Variants in STAP2 observed in about 807,000 individuals in gnomAD.
STAP2 encodes the protein signal-transducing adaptor protein 2.
A neutral mutation model predicts 52.7 loss-of-function variants in STAP2; 58 were observed. That is an observed-to-expected ratio of 1.10 (90% CI 0.89 to 1.37). The LOEUF (loss-of-function observed/expected upper bound fraction) is 1.37, where lower values mean the gene tolerates loss of function less well. Among genes scored for constraint, STAP2 ranks in the 40% most tolerant of loss-of-function variants. The pLI is 0.00. For missense variants in STAP2, 522 were observed against 519.4 expected (o/e 1.00, Z -0.05); for synonymous variants, 231 against 210.5 (o/e 1.10, Z -0.84).
intron 3 of STAP2, among the ~76,000 whole-genome samples, chr19:4,332,596 A>G (rs1184235066): frequency 6.6e-6 from 1 of 151,214 alleles, no homozygotes; most frequent in Non-Finnish European, 1.5e-5. Context: ...TAATCCCAGC[A>G]CTTTGGGAGG....
At chr19:4,326,516 A>G (rs1408972874) in intron 9 of STAP2, among the ~76,000 whole-genome samples, 1 of 150,984 alleles carries the variant, frequency 6.6e-6, no homozygotes, top group East Asian at 1.9e-4. Flanking sequence ...CCCAACACCC[A>G]CCCGGATTCT....
At chr19:4,338,181 G>GC (rs1158530240) in intron 1 of STAP2, 1 of 158,656 alleles carries the variant, frequency 6.3e-6, no homozygotes, top group Non-Finnish European at 1.4e-5. Context: ...GTGGAATGTG[G>GC]CCCCCGCTAG....
Position 4,334,007 on chromosome 19 carries a change from G to C in STAP2, c.140C>G (p.Thr47Ser), listed in dbSNP as rs1971934199. ...KKFWAGLQGL[T>S]IYFYNSNRDF... ...CCGATTGCTATTGTAGAAATAAATG[G>C]TGAGACCCTGCAGGCCTGCCCAGAA... is the stretch of plus-strand genomic sequence containing the variant. Residue 47 changes from threonine to serine, a missense_variant, in exon 2 of 13, where the codon ACC (threonine) becomes AGC (serine). By Grantham distance (58) the Thr-to-Ser change is moderately conservative. Coordinates refer to ENST00000594605, the MANE Select transcript of STAP2 (RefSeq NM_001013841.2). The C allele has an allele frequency of 6.2e-7, 1 of 1,613,332 alleles. No individual in the cohort carries two copies. The highest frequency in any genetic ancestry group is 8.5e-7 in the Non-Finnish European group (1 of 1,179,728).
In STAP2 at chr19:4,327,229, G is replaced by T; in HGVS notation, c.661-3C>A. On this transcript the variant is annotated splice_polypyrimidine_tract_variant and splice_region_variant and intron_variant, in intron 7 of 12. Coordinates refer to ENST00000594605, the MANE Select transcript of STAP2 (RefSeq NM_001013841.2). ...GCGTCCAGGGAGGTGCAAGAGAACT[G>T]GGGGCAGATGGGGGAGCGGTCAGGC... 3 of 1,614,048 alleles carry T rather than the reference G, an allele frequency of 1.9e-6. No homozygotes were observed. The highest frequency in any genetic ancestry group is 2.5e-6 in the Non-Finnish European group (3 of 1,180,006).
rs1277083781 is a variant in STAP2, at chr19:4,331,931, CA to C, written c.354+90del. 44 of 1,414,646 alleles carry C rather than the reference CA, an allele frequency of 3.1e-5. No homozygotes were observed. In the East Asian group the frequency reaches 1.0e-3, roughly 33 times the overall value. The allele number at this position is 1,414,646 out of a possible 1,614,324, so 87.6% of individuals were successfully genotyped here. On this transcript the variant is annotated intron_variant, in intron 4 of 12. Coordinates refer to ENST00000594605, the MANE Select transcript of STAP2 (RefSeq NM_001013841.2). ...TGGGCGACAGAGCGAGACTCCGTCT[CA>C]AAAAAAGAAAAAAAGAAAGAAAGAA... is the stretch of plus-strand genomic sequence containing the variant.
At chr19:4,324,719 C>A in intron 11 of STAP2, 190 bp from the exon 12 acceptor site, 2 of 562,906 alleles carry the variant, frequency 3.6e-6, no homozygotes, top group Non-Finnish European at 6.3e-6. Context: ...GTAATCCCAG[C>A]TACTTGGGAG....
rs1972020209 is a variant in STAP2, at chr19:4,338,706, G to T, written c.48C>A (p.Val16=). 1 of 1,613,736 alleles carries T rather than the reference G, an allele frequency of 6.2e-7. No homozygotes were observed. Among genetic ancestry groups the T allele is most frequent in the South Asian group, 1.1e-5 (1 of 91,028 alleles). The stretch of plus-strand genomic sequence containing the variant: ...AGCTCTCATAGTAGTGTGAAGGCAG[G>T]ACACCCTTAGGCTTGGGGACACGGG... ...RPPRVPKPKG[V]LPSHYYESFL... Residue 16 remains valine, a synonymous_variant, in exon 1 of 13, where the codon GTC becomes GTA. Transcript: ENST00000594605.
chr19:4,324,249 G>T, intron 12 of STAP2, 52 bp from the exon 13 acceptor site: 1 of 1,529,506 alleles, frequency 6.5e-7, no homozygotes, highest in Non-Finnish European at 8.8e-7. Flanking sequence ...CCCAGTCCAT[G>T]CCCACCGCCC....
intron 3 of STAP2, among the ~76,000 whole-genome samples, chr19:4,332,876 C>A (rs1402800345): frequency 1.3e-5 from 2 of 150,958 alleles, no homozygotes; most frequent in African/African-American, 2.4e-5. Context: ...TAGATCAGTT[C>A]CCAGACCTCT....
chr19:4,334,075 G>A (rs1445129010), intron 1 of STAP2, 31 bp from the exon 2 acceptor site: 7 of 1,592,514 alleles, frequency 4.4e-6, no homozygotes, highest in Non-Finnish European at 6.0e-6. Flanking sequence ...AAGAAGAGGT[G>A]AGCTGGCCAA....
chr19:4,327,083 G>A, intron 8 of STAP2, 41 bp downstream of exon 8: 8 of 1,611,824 alleles, frequency 5.0e-6, no homozygotes, highest in Non-Finnish European at 6.8e-6. Flanking sequence ...GGGCGGGAGA[G>A]GTGAGCACTG....
chr19:4,326,813 T>A, intron 9 of STAP2, 129 bp downstream of exon 9: 1 of 1,218,372 alleles, frequency 8.2e-7, no homozygotes, highest in South Asian at 1.4e-5. Flanking sequence ...AGGGTCTGAG[T>A]CATTTCTGTC....
intron 1 of STAP2, among the ~76,000 whole-genome samples, chr19:4,336,028 T>G (rs1971975107): frequency 6.6e-6 from 1 of 152,120 alleles, no homozygotes; most frequent in Non-Finnish European, 1.5e-5. Context: ...GTTTTGTTTT[T>G]AAGAGACAGA....
At chr19:4,325,169 G>A in intron 11 of STAP2, 47 bp downstream of exon 11, 1 of 1,493,972 alleles carries the variant, frequency 6.7e-7, no homozygotes, top group Non-Finnish European at 9.1e-7. Context: ...TGAGGGCTGA[G>A]GCTGGCCTGC....
intron 5 of STAP2, among the ~76,000 whole-genome samples, chr19:4,329,244 C>A (rs1161280348): frequency 1.3e-5 from 2 of 151,828 alleles, no homozygotes; most frequent in Non-Finnish European, 2.9e-5. Flanking sequence ...GGATTACAGG[C>A]GTGAGCCACT....
Position 4,332,193 on chromosome 19 carries a change from CTTCTTTTTTTTTT to C in STAP2, c.298-128_298-116del, listed in dbSNP as rs1300030251. On this transcript the variant is annotated intron_variant, in intron 3 of 12. Transcript: ENST00000594605. ...AAGGGCCGTTTTCTTTTTTCTTTTT[CTTCTTTTTTTTTT>C]TTTTTTTTTTTTTTTTGAGATGGAG... is the stretch of plus-strand genomic sequence containing the variant. The C allele has an allele frequency of 1.8e-3, 586 of 317,082 alleles. 5 individuals are homozygous for C. The highest frequency in any genetic ancestry group is 3.4e-3 in the Admixed American group (40 of 11,896). 19.6% of individuals were successfully genotyped at this position (317,082 alleles called of 1,614,324 possible). A position where few individuals can be genotyped will look rare whatever the true frequency, so the allele number is the denominator to read the frequency against.
chr19:4,324,686 G>A, intron 11 of STAP2, 157 bp from the exon 12 acceptor site: 1 of 667,058 alleles, frequency 1.5e-6, no homozygotes, highest in African/African-American at 1.8e-5. Flanking sequence ...ACAAAAATTA[G>A]ATGGACGTGG....
chr19:4,331,119 C>T (rs114336232), intron 4 of STAP2, among the ~76,000 whole-genome samples: 4,251 of 152,112 alleles, frequency 0.028, 145 homozygotes, highest in African/African-American at 0.081. Flanking sequence ...TGCTTGAGCA[C>T]GGAAGTTGGA....
intron 4 of STAP2, 75 bp from the exon 5 acceptor site, chr19:4,330,136 G>C: frequency 8.8e-7 from 1 of 1,136,782 alleles, no homozygotes. Flanking sequence ...TCACAGAGTG[G>C]CAAATTGAGG....
Sources: allele counts gnomAD v4.1 joint callset (sites outside exome capture counted in the v4.1 genomes callset), GRCh38; gene constraint gnomAD v4.1.1; transcripts MANE v1.5; gene names NCBI Gene and HGNC (gene_info 2026-07-23, HGNC 2026-07-21).